Variants in GLDC observed in about 807,000 individuals in gnomAD.
The protein encoded by GLDC is glycine dehydrogenase (decarboxylating), mitochondrial.
A neutral mutation model predicts 121.3 loss-of-function variants in GLDC; 104 were observed. The ratio of observed to expected loss-of-function variants is 0.86; its 90% CI spans 0.73 to 1.01. The LOEUF is 1.01. Among genes scored for constraint, GLDC ranks in the 50% least tolerant of loss-of-function variants. The pLI is 0.00. For missense variants in GLDC, 1,429 were observed against 1,306.6 expected (o/e 1.09, Z -1.44); for synonymous variants, 546 against 480.6 (o/e 1.14, Z -1.78).
At chr9:6,636,127 A>G (rs1461622475) in intron 2 of GLDC, among the ~76,000 whole-genome samples, 2 of 151,694 alleles carry the variant, frequency 1.3e-5, no homozygotes, top group East Asian at 3.9e-4. Context: ...ACATGGTGAA[A>G]CCCCCGTCTC....
chr9:6,536,465 A>G (rs1478385022), intron 22 of GLDC, among the ~76,000 whole-genome samples: 2 of 152,240 alleles, frequency 1.3e-5, no homozygotes, highest in Non-Finnish European at 2.9e-5. Flanking sequence ...CAGAGCACCT[A>G]TATGGTAAAT....
intron 15 of GLDC, among the ~76,000 whole-genome samples, chr9:6,578,362 C>T (rs1321196024): frequency 6.6e-6 from 1 of 152,096 alleles, no homozygotes; most frequent in African/African-American, 2.4e-5. Context: ...AGTGATCCTC[C>T]CACCTCAGAC....
intron 10 of GLDC, among the ~76,000 whole-genome samples, chr9:6,592,604 T>C (rs1338136742): frequency 3.9e-5 from 6 of 152,206 alleles, no homozygotes; most frequent in Non-Finnish European, 8.8e-5. Flanking sequence ...AGAGGAGTAT[T>C]ATGAACAAAA....
In GLDC at chr9:6,618,326, C is replaced by A. The variant is rs144969658; in HGVS notation, c.470+1858G>T. Reference sequence around the variant, plus strand: ...TTAGACATTATATCCCAGTGAACAGCAGAGGCAGATGTCCTTAACTGCCCA... The same window carrying A: ...TTAGACATTATATCCCAGTGAACAGAAGAGGCAGATGTCCTTAACTGCCCA... On this transcript the variant is annotated intron_variant, in intron 3 of 24. Coordinates refer to ENST00000321612, the MANE Select transcript of GLDC (RefSeq NM_000170.3). Among the ~76,000 whole-genome samples, 20 of 152,254 alleles carry A rather than the reference C, an allele frequency of 1.3e-4. No individual in the cohort carries two copies. In the East Asian group the frequency reaches 2.9e-3, roughly 22 times the overall value.
At chr9:6,548,587 C>G (rs1303150851) in intron 21 of GLDC, among the ~76,000 whole-genome samples, 1 of 152,162 alleles carries the variant, frequency 6.6e-6, no homozygotes, top group Non-Finnish European at 1.5e-5. Context: ...TAAGACCAGC[C>G]ATTAAATTAA....
chr9:6,611,608 T>C (rs981750424), intron 3 of GLDC, among the ~76,000 whole-genome samples: 3 of 152,166 alleles, frequency 2.0e-5, no homozygotes, highest in African/African-American at 4.8e-5. Flanking sequence ...TCAGCAAATA[T>C]GTTTTACAGC....
chr9:6,595,177 T>A (rs1818468028), intron 8 of GLDC, 58 bp from the exon 9 acceptor site: 1 of 1,102,252 alleles, frequency 9.1e-7, no homozygotes, highest in Non-Finnish European at 1.4e-6. Context: ...TGGGAGGGTG[T>A]AATTACTTGA....
At position 6,548,883 on chromosome 9, in the gene GLDC, G is replaced by A. The variant is rs117828931; in HGVS notation, c.2569+1920C>T. Among the ~76,000 whole-genome samples the A allele has an allele frequency of 2.6e-3, 398 of 151,946 alleles. 2 individuals are homozygous for A. The highest frequency in any genetic ancestry group is 4.5e-3 in the Non-Finnish European group (308 of 67,982). Reference sequence around the variant, plus strand: ...CTCCCTTCTCACAGCTTAAAATCATGTTGTTTTCATAGTTAAAAAGAAAAT... The same window carrying A: ...CTCCCTTCTCACAGCTTAAAATCATATTGTTTTCATAGTTAAAAAGAAAAT... On this transcript the variant is annotated intron_variant, in intron 21 of 24. Transcript: ENST00000321612.
intron 10 of GLDC, 56 bp downstream of exon 10, chr9:6,592,795 T>C: frequency 6.7e-7 from 1 of 1,502,378 alleles, no homozygotes; most frequent in South Asian, 1.1e-5. Flanking sequence ...AACCTTTTAA[T>C]GAGAAACAAT....
chr9:6,597,677 C>T (rs1818517098), intron 8 of GLDC, among the ~76,000 whole-genome samples: 1 of 152,180 alleles, frequency 6.6e-6, no homozygotes, highest in African/African-American at 2.4e-5. Flanking sequence ...TGGCTAACGC[C>T]TGTAATCCCA....
chr9:6,613,717 T>C (rs1818908214), intron 3 of GLDC, among the ~76,000 whole-genome samples: 2 of 152,228 alleles, frequency 1.3e-5, no homozygotes, highest in African/African-American at 4.8e-5. Context: ...ATCTTTATCT[T>C]TGTCTAAGGA....
At chr9:6,641,907 T>C (rs757079381) in intron 2 of GLDC, among the ~76,000 whole-genome samples, 15 of 152,178 alleles carry the variant, frequency 9.9e-5, no homozygotes, top group Non-Finnish European at 1.5e-4. Context: ...AACACAGGCA[T>C]TCACATGAAG....
chr9:6,594,712 C>T (rs1587952493), intron 9 of GLDC, among the ~76,000 whole-genome samples: 1 of 150,310 alleles, frequency 6.7e-6, no homozygotes, highest in African/African-American at 2.5e-5. Flanking sequence ...AGCAAGCAAG[C>T]AAGCAAGCAA....
chr9:6,544,888 T>C (rs1419469490), intron 21 of GLDC, among the ~76,000 whole-genome samples: 1 of 151,896 alleles, frequency 6.6e-6, no homozygotes, highest in Non-Finnish European at 1.5e-5. Context: ...TCACCTGAGG[T>C]CGGTAGTTTG....
intron 2 of GLDC, 64 bp downstream of exon 2, chr9:6,644,550 G>C (rs1819699247): frequency 8.9e-7 from 1 of 1,126,160 alleles, no homozygotes; most frequent in Non-Finnish European, 1.4e-6. Context: ...CGATTTTCAG[G>C]GAACCACAAA....
At position 6,536,156 on chromosome 9, in the gene GLDC, G is replaced by A. The variant is rs773430894; in HGVS notation, c.2746C>T (p.Leu916=). 3 of 1,614,052 alleles carry A rather than the reference G, an allele frequency of 1.9e-6. No individual in the cohort carries two copies. The East Asian group carries it at 6.7e-5, about 36-fold the overall frequency. The change falls in exon 23 of 25, where the codon CTG becomes TTG. Residue 916 remains leucine (L), a synonymous_variant. Transcript: ENST00000321612. ...ATCATGGCATCACAGAATCTGTCCA[G>A]CTCTGCCTTGTCCTCCGACTCAGTG... is the stretch of plus-strand genomic sequence containing the variant. ...EPTESEDKAE[L]DRFCDAMISI...
rs1002028098 is a variant in GLDC, at chr9:6,575,254, G to C, written c.1851-9825C>G. Among the ~76,000 whole-genome samples the C allele has an allele frequency of 2.6e-5, 4 of 151,778 alleles. No individual in the cohort carries two copies. In the East Asian group the frequency reaches 7.7e-4, roughly 29 times the overall value. On this transcript the variant is annotated intron_variant, in intron 15 of 24. Coordinates refer to ENST00000321612, the MANE Select transcript of GLDC (RefSeq NM_000170.3). ...CAAACCCCAAAACTCTCCCATATGGGCTCCATCCCCAGCGAAGATTCTGAT... is the reference window on the plus strand; with the variant it reads ...CAAACCCCAAAACTCTCCCATATGGCCTCCATCCCCAGCGAAGATTCTGAT...
At chr9:6,623,542 A>ACCTTCCCT (rs1232163059) in intron 2 of GLDC, among the ~76,000 whole-genome samples, 1 of 150,970 alleles carries the variant, frequency 6.6e-6, no homozygotes, top group African/African-American at 2.4e-5. Context: ...TTATCTGCTG[A>ACCTTCCCT]CCTTCCCTCC....
rs60752054 is a variant in GLDC, at chr9:6,622,159, GACACACACACACACAC to G, written c.335-1856_335-1841del. 1.4e-4 allele frequency among the ~76,000 whole-genome samples: 21 copies of G among 145,424 alleles called. No homozygotes were observed. The East Asian group carries it at 4.3e-3, about 30-fold the overall frequency. On this transcript the variant is annotated intron_variant, in intron 2 of 24. Coordinates refer to ENST00000321612, the MANE Select transcript of GLDC (RefSeq NM_000170.3). ...TTTCACCCTCCACCACACACACACA[GACACACACACACACAC>G]ACACACACACACACACTCCGCACTC...
Sources: gnomAD v4.1 joint callset for allele counts (sites outside exome capture counted in the v4.1 genomes callset) on GRCh38, gnomAD v4.1.1 for gene constraint, MANE v1.5 for transcripts, NCBI Gene and HGNC (gene_info 2026-07-23, HGNC 2026-07-21) for gene names.